Variants in NINL observed in about 807,000 individuals in gnomAD.
NINL encodes the protein ninein-like protein.
In NINL, 153 loss-of-function variants were observed where a neutral mutation model predicts 160.3. That is an observed-to-expected ratio of 0.95 (90% CI 0.84 to 1.09). NINL has a LOEUF of 1.09. Among genes scored for constraint, NINL ranks in the 50% least tolerant of loss-of-function variants. The pLI is 0.00. For missense variants in NINL, 1,829 were observed against 1,764.0 expected, an observed-to-expected ratio of 1.04 and a Z score of -0.66; for synonymous variants, 800 against 734.8, an observed-to-expected ratio of 1.09 and a Z score of -1.43.
At chr20:25,553,228 A>T (rs1036952644) in intron 1 of NINL, among the ~76,000 whole-genome samples, 15 of 149,784 alleles carry the variant, frequency 1.0e-4, no homozygotes, top group Non-Finnish European at 1.8e-4. Context: ...TCAGCTGCCC[A>T]AGTGGGTGGG....
In NINL at chr20:25,504,847, G is replaced by A. The variant is rs758493365; in HGVS notation, c.708+41C>T. ...AGACCCAACACTAAACCGTGACCAT[G>A]GCCAGGAATATGTGGCTGGGTGGCC... is the stretch of plus-strand genomic sequence containing the variant. On this transcript the variant is annotated intron_variant, in intron 6 of 23. Transcript: ENST00000278886. 2.5e-6 allele frequency: 4 copies of A among 1,600,802 alleles called. No individual in the cohort carries two copies. In the South Asian group the frequency reaches 4.4e-5, roughly 18 times the overall value.
intron 1 of NINL, among the ~76,000 whole-genome samples, chr20:25,552,950 G>A (rs2064822614): frequency 6.6e-6 from 1 of 152,146 alleles, no homozygotes; most frequent in Non-Finnish European, 1.5e-5. Flanking sequence ...AGACACCCAG[G>A]GAAAGTGCTG....
intron 10 of NINL, among the ~76,000 whole-genome samples, chr20:25,494,397 A>C: frequency 6.6e-6 from 1 of 151,774 alleles, no homozygotes; most frequent in South Asian, 2.1e-4. Context: ...GGCCCCATGT[A>C]CACGTACTGC....
intron 1 of NINL, among the ~76,000 whole-genome samples, chr20:25,567,444 C>T (rs748943361): frequency 2.0e-5 from 3 of 152,016 alleles, no homozygotes; most frequent in Non-Finnish European, 1.5e-5. Flanking sequence ...AAATCGAGGC[C>T]GAGGCCTATC....
At chr20:25,483,282 C>T (rs1418727332) in intron 13 of NINL, among the ~76,000 whole-genome samples, 6 of 151,594 alleles carry the variant, frequency 4.0e-5, no homozygotes, top group Non-Finnish European at 8.8e-5. Flanking sequence ...TGCAGTGAGC[C>T]GAGATTGTGC....
rs201795969 is a variant in NINL at position 25,498,158 on chromosome 20, C to T, written c.1169+52G>A. The T allele has an allele frequency of 2.4e-5, 38 of 1,601,664 alleles. No homozygotes were observed. The Admixed American group carries it at 6.4e-4, about 27-fold the overall frequency. ...TTTGTGTCCCAGACCCCCCTCCAGG[C>T]CCACCTGGCCAGCCACACTGCCACG... On this transcript the variant is annotated intron_variant, in intron 9 of 23. Transcript: ENST00000278886.
At chr20:25,516,433 G>T (rs545510909) in intron 3 of NINL, among the ~76,000 whole-genome samples, 1 of 152,220 alleles carries the variant, frequency 6.6e-6, no homozygotes, top group East Asian at 1.9e-4. Context: ...CACAAGTTCC[G>T]AACAGTTTGT....
chr20:25,474,839 G>A (rs1007629874), intron 17 of NINL, among the ~76,000 whole-genome samples: 5 of 150,542 alleles, frequency 3.3e-5, no homozygotes, highest in Non-Finnish European at 7.4e-5. Flanking sequence ...AGGCTGAAGT[G>A]CAGTGGCGCG....
At chr20:25,579,310 C>T (rs922966560) in intron 1 of NINL, among the ~76,000 whole-genome samples, 1 of 152,100 alleles carries the variant, frequency 6.6e-6, no homozygotes, top group South Asian at 2.1e-4. Flanking sequence ...AACAGTACAC[C>T]CCGGCTCAGC....
At chr20:25,489,828 C>T (rs781542653) in intron 12 of NINL, 47 bp downstream of exon 12, 1 of 1,558,774 alleles carries the variant, frequency 6.4e-7, no homozygotes, top group Non-Finnish European at 8.8e-7. Context: ...CCACTCTGCC[C>T]AGCAGGCCCT....
At chr20:25,500,330 G>C (rs931149362) in intron 8 of NINL, among the ~76,000 whole-genome samples, 2 of 152,190 alleles carry the variant, frequency 1.3e-5, no homozygotes, top group African/African-American at 4.8e-5. Context: ...AGCCCCAGCA[G>C]AACACGGAGG....
intron 3 of NINL, among the ~76,000 whole-genome samples, chr20:25,517,008 C>A (rs1164560293): frequency 6.6e-6 from 1 of 152,090 alleles, no homozygotes; most frequent in Non-Finnish European, 1.5e-5. Context: ...TAAGTAATAC[C>A]ACAGGATTTC....
intron 18 of NINL, among the ~76,000 whole-genome samples, chr20:25,468,671 C>T (rs368273502): frequency 2.1e-5 from 3 of 143,794 alleles, no homozygotes; most frequent in African/African-American, 7.8e-5. Flanking sequence ...GGTGGGTGCC[C>T]CTCTGCCCTG....
intron 1 of NINL, among the ~76,000 whole-genome samples, chr20:25,561,014 C>T (rs562479118): frequency 7.1e-4 from 103 of 144,070 alleles, no homozygotes; most frequent in African/African-American, 2.3e-3. Context: ...TCTCTTTCCA[C>T]GGTCTCCCTC....
At position 25,504,916 on chromosome 20, in the gene NINL, C is replaced by A; in HGVS notation, c.680G>T (p.Ser227Ile). The change falls in exon 6 of 24, where the codon AGC becomes ATC. Residue 227 changes from serine to isoleucine, a missense_variant. Physicochemically the swap from Ser to Ile is moderately radical, Grantham distance 142 (BLOSUM62 -2). Transcript: ENST00000278886. ...SEQELAVVCQ[S>I]VGLQGLEKEE... is the part of the protein sequence containing the mutation. ...TTTCTCGAGTCCCTGGAGCCCGACG[C>A]TCTGGCAGACCACAGCCAGCTCCTG... is the stretch of plus-strand genomic sequence containing the variant. 3 of 1,611,962 alleles carry A rather than the reference C, an allele frequency of 1.9e-6. No individual in the cohort carries two copies. The highest frequency in any genetic ancestry group is 1.7e-6 in the Non-Finnish European group (2 of 1,179,932).
intron 13 of NINL, among the ~76,000 whole-genome samples, chr20:25,487,132 G>A (rs185494073): frequency 6.9e-4 from 105 of 152,218 alleles, no homozygotes; most frequent in African/African-American, 1.9e-3. Flanking sequence ...ATTATCCACC[G>A]GGTAAAATTA....
chr20:25,579,903 AATTCTTT>A (rs2065153898), intron 1 of NINL, among the ~76,000 whole-genome samples: 1 of 152,188 alleles, frequency 6.6e-6, no homozygotes, highest in Admixed American at 6.5e-5. Flanking sequence ...ACAAATGTAA[AATTCTTT>A]ACCAGAGGCT....
intron 1 of NINL, among the ~76,000 whole-genome samples, chr20:25,528,931 G>T (rs1447564642): frequency 6.6e-6 from 1 of 152,210 alleles, no homozygotes; most frequent in African/African-American, 2.4e-5. Context: ...GTAAATGCCA[G>T]TTCTATATAG....
intron 7 of NINL, 99 bp downstream of exon 7, chr20:25,503,850 CTTG>C: frequency 7.1e-7 from 1 of 1,407,128 alleles, no homozygotes; most frequent in Non-Finnish European, 1.0e-6. Context: ...TCTTGGACAG[CTTG>C]TTGTGTGGTG....
Sources: allele counts gnomAD v4.1 joint callset (sites outside exome capture counted in the v4.1 genomes callset), GRCh38; gene constraint gnomAD v4.1.1; transcripts MANE v1.5; gene names NCBI Gene and HGNC (gene_info 2026-07-23, HGNC 2026-07-21).